MGAT4C: variants seen among roughly 807,000 people sequenced by gnomAD.
The protein encoded by MGAT4C is MGAT4 family member C, also known as alpha-1,3-mannosyl-glycoprotein 4-beta-N-acetylglucosaminyltransferase C.
A neutral mutation model predicts 40.1 loss-of-function variants in MGAT4C; 19 were observed. That is an observed-to-expected ratio of 0.47 (90% confidence interval 0.33 to 0.70). The LOEUF (loss-of-function observed/expected upper bound fraction) is 0.70, where lower values mean the gene tolerates loss of function less well. Among genes scored for constraint, MGAT4C ranks in the 30% least tolerant of loss-of-function variants. The pLI, the probability that MGAT4C is intolerant of heterozygous loss-of-function variation, is 0.02. For synonymous variants in MGAT4C, 181 were observed against 187.1 expected (o/e 0.97, Z 0.27); for missense variants, 491 against 563.2 (o/e 0.87, Z 1.30).
intron 3 of MGAT4C, among the ~76,000 whole-genome samples, chr12:86,417,730 T>C (rs1269586102): frequency 6.6e-6 from 1 of 152,146 alleles, no homozygotes; most frequent in East Asian, 1.9e-4. Flanking sequence ...CCATGCATTA[T>C]GTATATTTCA....
At position 85,957,457 on chromosome 12, in the gene MGAT4C, G is replaced by C. The variant is rs1398871489; in HGVS notation, c.*21832C>G. 6.6e-6 allele frequency: 1 copy of C among 152,104 alleles called. No individual in the cohort carries two copies. Among genetic ancestry groups the C allele is most frequent in the Non-Finnish European group, 1.5e-5 (1 of 68,022 alleles). 9.4% of individuals were successfully genotyped at this position (152,104 alleles called of 1,614,324 possible). A position where few individuals can be genotyped will look rare whatever the true frequency, so the allele number is the denominator to read the frequency against. ...CATGCATGAACTCTAGCAGTGGCTA[G>C]AAGGAAATTAATGGTTTGGGAGGTT... On this transcript the variant is annotated 3_prime_UTR_variant, in exon 5 of 5. Coordinates refer to ENST00000611864, the MANE Select transcript of MGAT4C (RefSeq NM_001351288.2).
At chr12:86,358,130 C>A (rs999617580) in intron 3 of MGAT4C, among the ~76,000 whole-genome samples, 6 of 152,202 alleles carry the variant, frequency 3.9e-5, no homozygotes, top group Non-Finnish European at 8.8e-5. Flanking sequence ...TAGCTGATCT[C>A]TCAGCAGAAA....
At chr12:86,655,497 C>A (rs1470090928) in intron 2 of MGAT4C, among the ~76,000 whole-genome samples, 1 of 152,018 alleles carries the variant, frequency 6.6e-6, no homozygotes, top group Non-Finnish European at 1.5e-5. Context: ...ATCATTCTTT[C>A]CTTTACACAA....
chr12:86,527,422 T>C (rs750021749), intron 2 of MGAT4C, among the ~76,000 whole-genome samples: 1 of 152,208 alleles, frequency 6.6e-6, no homozygotes, highest in Non-Finnish European at 1.5e-5. Context: ...TGAAGTCAGG[T>C]AATGTAATGC....
At chr12:86,477,603 A>T (rs750616077) in intron 2 of MGAT4C, among the ~76,000 whole-genome samples, 11 of 152,054 alleles carry the variant, frequency 7.2e-5, no homozygotes, top group Non-Finnish European at 1.3e-4. Flanking sequence ...ATATATATAT[A>T]TTTTTATTAT....
chr12:86,602,525 A>T (rs1015391535), intron 2 of MGAT4C, among the ~76,000 whole-genome samples: 1 of 152,180 alleles, frequency 6.6e-6, no homozygotes, highest in Non-Finnish European at 1.5e-5. Flanking sequence ...GAGAAACCGA[A>T]ATCTAACATA....
chr12:86,388,384 AT>A (rs72513407), intron 3 of MGAT4C, among the ~76,000 whole-genome samples: 9,822 of 152,092 alleles, frequency 0.065, 767 homozygotes, highest in East Asian at 0.24. Context: ...ATTTTGTACA[AT>A]TTTTTTAAGG....
At chr12:86,701,239 T>A (rs923521429) in intron 2 of MGAT4C, among the ~76,000 whole-genome samples, 1 of 152,170 alleles carries the variant, frequency 6.6e-6, no homozygotes, top group African/African-American at 2.4e-5. Context: ...TGTTACTTTT[T>A]TTTTTACAAA....
intron 1 of MGAT4C, among the ~76,000 whole-genome samples, chr12:86,147,486 C>T (rs1200165681): frequency 6.6e-6 from 1 of 152,170 alleles, no homozygotes; most frequent in Non-Finnish European, 1.5e-5. Flanking sequence ...CGTGATCCAC[C>T]CGCCTCGGCC....
intron 1 of MGAT4C, among the ~76,000 whole-genome samples, chr12:86,155,774 T>C (rs771189484): frequency 6.6e-6 from 1 of 152,126 alleles, no homozygotes; most frequent in Non-Finnish European, 1.5e-5. Flanking sequence ...TACACACAAA[T>C]TATGGTGAAA....
chr12:86,728,322 T>C (rs1950856523), intron 1 of MGAT4C, among the ~76,000 whole-genome samples: 1 of 152,200 alleles, frequency 6.6e-6, no homozygotes, highest in African/African-American at 2.4e-5. Flanking sequence ...ATGCCTGTCT[T>C]CTTCCCCTGT....
At chr12:86,105,142 C>T (rs995212235) in intron 1 of MGAT4C, among the ~76,000 whole-genome samples, 1 of 152,124 alleles carries the variant, frequency 6.6e-6, no homozygotes, top group Non-Finnish European at 1.5e-5. Flanking sequence ...ACATCATCCA[C>T]ATTTTTTGCA....
intron 2 of MGAT4C, among the ~76,000 whole-genome samples, chr12:86,589,769 T>C (rs1432234006): frequency 6.6e-6 from 1 of 152,002 alleles, no homozygotes; most frequent in Non-Finnish European, 1.5e-5. Flanking sequence ...TCACTAAGTG[T>C]ACTCCAGCAT....
rs753856334 is a variant in MGAT4C, at chr12:86,444,662, T to TA, written c.-228-9398dup. 3.9e-5 allele frequency among the ~76,000 whole-genome samples: 6 copies of TA among 152,336 alleles called. No individual in the cohort carries two copies. In the South Asian group the frequency reaches 1.2e-3, roughly 32 times the overall value. On this transcript the variant is annotated intron_variant, in intron 2 of 7. Coordinates refer to the MGAT4C transcript ENST00000548651. Reference sequence around the variant, plus strand: ...TTCTTTCAGTTAAAATTCTTTGAGTTAAAATCAAAGTATTAAATTTTTATC... The same window carrying TA: ...TTCTTTCAGTTAAAATTCTTTGAGTTAAAAATCAAAGTATTAAATTTTTATC...
At chr12:86,341,390 A>AC (rs1415076767) in intron 3 of MGAT4C, among the ~76,000 whole-genome samples, 2 of 152,150 alleles carry the variant, frequency 1.3e-5, no homozygotes, top group African/African-American at 2.4e-5. Flanking sequence ...GTGCATGGAA[A>AC]CCATGGAGCC....
intron 1 of MGAT4C, among the ~76,000 whole-genome samples, chr12:86,194,732 G>C (rs1330698176): frequency 1.3e-5 from 2 of 151,990 alleles, no homozygotes; most frequent in South Asian, 4.1e-4. Context: ...CCAAAGTGCT[G>C]GGATTACAGG....
intron 1 of MGAT4C, among the ~76,000 whole-genome samples, chr12:86,833,229 T>C (rs1952967260): frequency 6.6e-6 from 1 of 151,904 alleles, no homozygotes. Flanking sequence ...GGATAAATTA[T>C]GTTCCTTGGC....
At chr12:86,398,134 C>A (rs960763306) in intron 3 of MGAT4C, among the ~76,000 whole-genome samples, 3 of 152,074 alleles carry the variant, frequency 2.0e-5, no homozygotes, top group Non-Finnish European at 2.9e-5. Context: ...TGTTTAAAAC[C>A]GTATAAATTT....
At chr12:86,466,124 G>A (rs1270115938) in intron 2 of MGAT4C, among the ~76,000 whole-genome samples, 2 of 151,914 alleles carry the variant, frequency 1.3e-5, no homozygotes, top group South Asian at 2.1e-4. Context: ...CAGGAGAATC[G>A]CTTGAACCCA....
Sources: allele counts gnomAD v4.1 joint callset (sites outside exome capture counted in the v4.1 genomes callset), GRCh38; gene constraint gnomAD v4.1.1; transcripts MANE v1.5; gene names NCBI Gene and HGNC (gene_info 2026-07-23, HGNC 2026-07-21).